Variants in ABTB3 observed in about 807,000 individuals in gnomAD.
ABTB3 encodes the protein ankyrin repeat and BTB domain containing 3, also known as ankyrin repeat- and BTB/POZ domain-containing protein 3.
chr12:107,616,841 C>G, the ABTB3 span, among the ~76,000 whole-genome samples: 32,831 of 152,116 alleles, frequency 0.22, 4,499 homozygotes, highest in African/African-American at 0.38. Flanking sequence ...CTGAGAGTCA[C>G]CATTTCCCAC....
At chr12:107,602,795 C>T in the ABTB3 span, among the ~76,000 whole-genome samples, 1 of 152,198 alleles carries the variant, frequency 6.6e-6, no homozygotes, top group African/African-American at 2.4e-5. Context: ...CTCCCCGCCT[C>T]GGTGCCGCCT....
the ABTB3 span, among the ~76,000 whole-genome samples, chr12:107,356,160 G>A: frequency 6.6e-6 from 1 of 152,150 alleles, no homozygotes; most frequent in African/African-American, 2.4e-5. Flanking sequence ...TCCACACTTG[G>A]GGGTAGGAAA....
chr12:107,610,013 A>G, the ABTB3 span: 1 of 684,172 alleles, frequency 1.5e-6, no homozygotes, highest in Non-Finnish European at 2.5e-6. Flanking sequence ...GATTCACAGC[A>G]GTCATAAAGG....
the ABTB3 span, among the ~76,000 whole-genome samples, chr12:107,377,414 A>AGT: frequency 0.038 from 5,551 of 146,546 alleles, 123 homozygotes; most frequent in Middle Eastern, 0.051. Flanking sequence ...AGAGAGCAAG[A>AGT]GTGTGTGTGT....
At chr12:107,445,180 T>C in the ABTB3 span, among the ~76,000 whole-genome samples, 1 of 152,208 alleles carries the variant, frequency 6.6e-6, no homozygotes, top group Admixed American at 6.5e-5. Context: ...GTGTCAAGTC[T>C]AATCCTACTA....
the ABTB3 span, among the ~76,000 whole-genome samples, chr12:107,626,447 A>G: frequency 3.7e-3 from 540 of 147,886 alleles, 3 homozygotes; most frequent in African/African-American, 0.013. Flanking sequence ...CCAGGTTCAC[A>G]CTATTCTCCT....
chr12:107,454,161 CTG>C, the ABTB3 span, among the ~76,000 whole-genome samples: 4 of 152,262 alleles, frequency 2.6e-5, no homozygotes, highest in Non-Finnish European at 5.9e-5. Context: ...CCACATCTAC[CTG>C]ATCAATGGGG....
the ABTB3 span, among the ~76,000 whole-genome samples, chr12:107,628,185 G>A: frequency 9.9e-5 from 15 of 152,176 alleles, no homozygotes; most frequent in Non-Finnish European, 1.8e-4. Flanking sequence ...TTGTCACTCA[G>A]GCTGGAGTAC....
At chr12:107,433,388 G>A in the ABTB3 span, among the ~76,000 whole-genome samples, 975 of 151,014 alleles carry the variant, frequency 6.5e-3, 15 homozygotes, top group African/African-American at 0.022. Flanking sequence ...ATAAAGATGA[G>A]TTATAATTTG....
chr12:107,413,435 C>T, the ABTB3 span, among the ~76,000 whole-genome samples: 1 of 152,166 alleles, frequency 6.6e-6, no homozygotes, highest in Non-Finnish European at 1.5e-5. Flanking sequence ...CACCTTCACG[C>T]TTACTGTTGG....
At chr12:107,445,870 C>G in the ABTB3 span, among the ~76,000 whole-genome samples, 1 of 82,242 alleles carries the variant, frequency 1.2e-5, no homozygotes, top group African/African-American at 5.7e-5. Flanking sequence ...ATCTCCCTCT[C>G]CCCTCTCCCC....
the ABTB3 span, among the ~76,000 whole-genome samples, chr12:107,324,363 G>T: frequency 1.3e-5 from 2 of 152,122 alleles, no homozygotes; most frequent in Non-Finnish European, 1.5e-5. Flanking sequence ...GATTGTTTTG[G>T]TCAAAGGAAA....
At chr12:107,654,815 T>TACACAG in the ABTB3 span, among the ~76,000 whole-genome samples, 1 of 141,218 alleles carries the variant, frequency 7.1e-6, no homozygotes, top group Non-Finnish European at 1.5e-5. Context: ...CTACATTGTA[T>TACACAG]ACACACACAC....
the ABTB3 span, among the ~76,000 whole-genome samples, chr12:107,505,857 T>C: frequency 3.9e-5 from 6 of 152,332 alleles, no homozygotes; most frequent in South Asian, 1.2e-3. Flanking sequence ...GCAAAGGACA[T>C]GATCTCATTC....
chr12:107,639,385 G>C, the ABTB3 span, among the ~76,000 whole-genome samples: 1 of 152,148 alleles, frequency 6.6e-6, no homozygotes, highest in Non-Finnish European at 1.5e-5. Context: ...AGGAAGGATG[G>C]CTCCTGCAGT....
the ABTB3 span, among the ~76,000 whole-genome samples, chr12:107,416,061 CG>C: frequency 3.9e-5 from 6 of 152,246 alleles, no homozygotes; most frequent in African/African-American, 1.4e-4. Context: ...TGAAATAATT[CG>C]GGCAGGCGCA....
At chr12:107,496,240 A>G in the ABTB3 span, among the ~76,000 whole-genome samples, 1 of 152,092 alleles carries the variant, frequency 6.6e-6, no homozygotes, top group East Asian at 1.9e-4. Flanking sequence ...CCTTATCTCC[A>G]GGTACACCCT....
the ABTB3 span, among the ~76,000 whole-genome samples, chr12:107,598,577 G>A: frequency 0.17 from 26,188 of 152,132 alleles, 2,821 homozygotes; most frequent in East Asian, 0.3. Flanking sequence ...TTCTTTCCCA[G>A]GTGATCTTCT....
the ABTB3 span, among the ~76,000 whole-genome samples, chr12:107,549,731 A>G: frequency 6.6e-6 from 1 of 152,220 alleles, no homozygotes; most frequent in African/African-American, 2.4e-5. Flanking sequence ...TGTTTCTGGG[A>G]AACATTGCTT....
Sources: allele counts gnomAD v4.1 joint callset (sites outside exome capture counted in the v4.1 genomes callset), GRCh38; gene constraint gnomAD v4.1.1; transcripts MANE v1.5; gene names NCBI Gene and HGNC (gene_info 2026-07-23, HGNC 2026-07-21).